The following GMDS variants were observed in gnomAD, a reference collection of about 807,000 sequenced individuals.
The protein encoded by GMDS is GDP-mannose 4,6 dehydratase.
A neutral mutation model predicts 49.9 loss-of-function variants in GMDS; 20 were observed. The observed-to-expected ratio is 0.40, with a 90% CI of 0.28 to 0.58. The LOEUF is 0.58. GMDS is among the 20% of genes least tolerant of loss of function. The pLI, the probability that GMDS is intolerant of heterozygous loss-of-function variation, is 0.42. For missense variants in GMDS, 362 were observed against 481.4 expected, an observed-to-expected ratio of 0.75 and a Z score of 2.32; for synonymous variants, 177 against 178.6, an observed-to-expected ratio of 0.99 and a Z score of 0.07.
rs919995350 is a variant in GMDS, at chr6:1,979,827, G to A, written c.346-18861C>T. On this transcript the variant is annotated intron_variant, in intron 4 of 10. Transcript: ENST00000380815. Reference sequence around the variant, plus strand: ...CCAGATCACCTACAAAGGGAAGCACGTCAGACTAACAGCAGACCTCTCAGT... The same window carrying A: ...CCAGATCACCTACAAAGGGAAGCACATCAGACTAACAGCAGACCTCTCAGT... Among the ~76,000 whole-genome samples, 21 of 152,260 alleles carry A rather than the reference G, an allele frequency of 1.4e-4. No individual in the cohort carries two copies. In the East Asian group the frequency reaches 1.7e-3, roughly 13 times the overall value.
Position 2,003,086 on chromosome 6 carries a change from A to T in GMDS, c.346-42120T>A, listed in dbSNP as rs558179113. ...ATAATAGAGTACCTGATAATAAAGT[A>T]TATGTTACCTAAGCTAACATACTTG... On this transcript the variant is annotated intron_variant, in intron 4 of 10. Coordinates refer to ENST00000380815, the MANE Select transcript of GMDS (RefSeq NM_001500.4). Among the ~76,000 whole-genome samples, 7 of 152,322 alleles carry T rather than the reference A, an allele frequency of 4.6e-5. No homozygotes were observed. The South Asian group carries it at 1.4e-3, about 32-fold the overall frequency.
chr6:2,172,654 T>G (rs1370181959), intron 1 of GMDS, among the ~76,000 whole-genome samples: 1 of 151,896 alleles, frequency 6.6e-6, no homozygotes, highest in Non-Finnish European at 1.5e-5. Flanking sequence ...ATCGCGCCAC[T>G]GCACTCCAGC....
At chr6:1,743,378 A>G (rs944979559) in intron 7 of GMDS, among the ~76,000 whole-genome samples, 2 of 119,978 alleles carry the variant, frequency 1.7e-5, no homozygotes, top group African/African-American at 5.5e-5. Flanking sequence ...CGTCTCTACT[A>G]AAAATACAAA....
chr6:1,983,177 T>G (rs1248697064), intron 4 of GMDS, among the ~76,000 whole-genome samples: 3 of 152,180 alleles, frequency 2.0e-5, no homozygotes, highest in Non-Finnish European at 4.4e-5. Flanking sequence ...GCTAGCCGTA[T>G]GCAGAAAACT....
intron 8 of GMDS, among the ~76,000 whole-genome samples, chr6:1,738,680 G>A (rs918957656): frequency 7.6e-6 from 1 of 132,044 alleles, no homozygotes; most frequent in African/African-American, 2.5e-5. Flanking sequence ...CTAGCAGAAA[G>A]CTTTCTAGCT....
intron 7 of GMDS, among the ~76,000 whole-genome samples, chr6:1,749,872 C>G (rs1479634489): frequency 6.6e-6 from 1 of 152,118 alleles, no homozygotes; most frequent in Non-Finnish European, 1.5e-5. Flanking sequence ...TACCCTGTCA[C>G]CCAGACTGTA....
chr6:1,920,677 A>C (rs910873783), intron 7 of GMDS, among the ~76,000 whole-genome samples: 1 of 152,210 alleles, frequency 6.6e-6, no homozygotes, highest in African/African-American at 2.4e-5. Flanking sequence ...AAAATTAAAC[A>C]GTCAGTTTAG....
At chr6:2,199,499 GCTGCTCTCCCCACTCA>G (rs1561650932) in intron 1 of GMDS, among the ~76,000 whole-genome samples, 1 of 151,926 alleles carries the variant, frequency 6.6e-6, no homozygotes, top group Non-Finnish European at 1.5e-5. Context: ...CTCTGTCCTC[GCTGCTCTCCCCACTCA>G]CTGCTCCCTC....
intron 8 of GMDS, among the ~76,000 whole-genome samples, chr6:1,733,560 T>C (rs6934958): frequency 0.52 from 79,656 of 152,102 alleles, 21,281 homozygotes; most frequent in East Asian, 0.68. Context: ...CTCATGCCTG[T>C]AATCCCAGTA....
intron 7 of GMDS, among the ~76,000 whole-genome samples, chr6:1,926,303 C>T (rs1195913885): frequency 6.6e-6 from 1 of 152,218 alleles, no homozygotes; most frequent in Non-Finnish European, 1.5e-5. Flanking sequence ...CCCTGTAACA[C>T]ATGCGCACAG....
intron 7 of GMDS, among the ~76,000 whole-genome samples, chr6:1,775,295 A>G (rs1372801422): frequency 1.3e-5 from 2 of 152,212 alleles, no homozygotes; most frequent in African/African-American, 4.8e-5. Flanking sequence ...AAACGATGCA[A>G]ATATTAAAAG....
intron 7 of GMDS, among the ~76,000 whole-genome samples, chr6:1,796,867 A>G (rs1769752677): frequency 6.6e-6 from 1 of 152,180 alleles, no homozygotes; most frequent in South Asian, 2.1e-4. Flanking sequence ...TGCTTTACCC[A>G]TTCCCTTACA....
intron 6 of GMDS, among the ~76,000 whole-genome samples, chr6:1,954,120 T>TATAA (rs1468089910): frequency 6.6e-6 from 1 of 152,102 alleles, no homozygotes; most frequent in Non-Finnish European, 1.5e-5. Flanking sequence ...AATATAAAAA[T>TATAA]AAAGATATGT....
chr6:2,176,399 A>G (rs1040116813), intron 1 of GMDS, among the ~76,000 whole-genome samples: 1 of 152,190 alleles, frequency 6.6e-6, no homozygotes, highest in Non-Finnish European at 1.5e-5. Flanking sequence ...ACTTCAGCTA[A>G]GTTGTTTCAC....
chr6:2,184,689 AT>A (rs1367797459), intron 1 of GMDS, among the ~76,000 whole-genome samples: 1 of 152,238 alleles, frequency 6.6e-6, no homozygotes, highest in African/African-American at 2.4e-5. Context: ...TTTTGTAAAA[AT>A]TCAATAAAAA....
intron 1 of GMDS, among the ~76,000 whole-genome samples, chr6:2,154,402 G>T (rs79418028): frequency 0.029 from 4,364 of 152,036 alleles, 208 homozygotes; most frequent in African/African-American, 0.099. Flanking sequence ...TCAGATTGCT[G>T]TTAATAATTT....
At chr6:2,079,460 A>T (rs1381468492) in intron 4 of GMDS, among the ~76,000 whole-genome samples, 2 of 152,064 alleles carry the variant, frequency 1.3e-5, no homozygotes, top group African/African-American at 2.4e-5. Context: ...CAGGTTTTAC[A>T]CATTCATAAG....
chr6:2,054,155 T>G (rs1456005282), intron 4 of GMDS, among the ~76,000 whole-genome samples: 2 of 152,144 alleles, frequency 1.3e-5, no homozygotes, highest in Admixed American at 6.5e-5. Flanking sequence ...CATTAGTTCT[T>G]CAGCCCGAAA....
rs1307115049 is a variant in GMDS, at chr6:2,102,591, G to C, written c.345+13180C>G. 4.6e-5 allele frequency among the ~76,000 whole-genome samples: 7 copies of C among 152,166 alleles called. No individual in the cohort carries two copies. The East Asian group carries it at 1.3e-3, about 29-fold the overall frequency. On this transcript the variant is annotated intron_variant, in intron 4 of 10. Coordinates refer to ENST00000380815, the MANE Select transcript of GMDS (RefSeq NM_001500.4). ...TGCACGATGTTATTGCATTAAGAAA[G>C]TCACAGTCTAAATCTAATGCCTGCC...
Sources: gnomAD v4.1 joint callset for allele counts (sites outside exome capture counted in the v4.1 genomes callset) on GRCh38, gnomAD v4.1.1 for gene constraint, MANE v1.5 for transcripts, NCBI Gene and HGNC (gene_info 2026-07-23, HGNC 2026-07-21) for gene names.